PLA2G5: variants seen among roughly 807,000 people sequenced by gnomAD.
PLA2G5 encodes the protein phospholipase A2 group V.
PLA2G5 carries 12 observed loss-of-function variants against 15.9 expected under a neutral mutation model. That is an observed-to-expected ratio of 0.76 (90% CI 0.48 to 1.23). PLA2G5 has a LOEUF of 1.23. Among genes scored for constraint, PLA2G5 ranks in the 50% most tolerant of loss-of-function variants. The probability of loss-of-function intolerance (pLI) is 0.00; values close to 1 mark genes in which losing one functional copy is unlikely to be tolerated. For missense variants in PLA2G5, 169 were observed against 177.1 expected (o/e 0.95, Z 0.26); for synonymous variants, 71 against 71.4 (o/e 0.99, Z 0.03).
At chr1:20,077,595 G>T (rs2015759373) in intron 1 of PLA2G5, among the ~76,000 whole-genome samples, 1 of 152,168 alleles carries the variant, frequency 6.6e-6, no homozygotes, top group South Asian at 2.1e-4. Flanking sequence ...TGGTAGTTAT[G>T]ACTTACTGAG....
Position 20,090,699 on chromosome 1 carries a change from C to T in PLA2G5, c.*7C>T, listed in dbSNP as rs751284992. 14 of 1,613,820 alleles carry T rather than the reference C, an allele frequency of 8.7e-6. No individual in the cohort carries two copies. In the East Asian group the frequency reaches 1.3e-4, roughly 15 times the overall value. On this transcript the variant is annotated 3_prime_UTR_variant, in exon 5 of 5. Coordinates refer to ENST00000375108, the MANE Select transcript of PLA2G5 (RefSeq NM_000929.3). ...CAACATCCTCTGCTCCTAGGCCTCC[C>T]CAGCGAGCTCCTCCCAGACCAAGAC...
At chr1:20,069,550 C>T (rs1470668530), upstream of PLA2G5, among the ~76,000 whole-genome samples, 1 of 151,984 alleles carries the variant, frequency 6.6e-6, no homozygotes, top group African/African-American at 2.4e-5. Context: ...TGGCATGTGC[C>T]TGTGGTCCCA....
rs1569643970 is a variant in PLA2G5, at chr1:20,040,778, C to T, written n.276+12069C>T. On this transcript the variant is annotated intron_variant and non_coding_transcript_variant, in intron 1 of 6. Transcript: ENST00000460175. ...GCTCAGGGCAAACTTGCCTCCCATTCTATTCAGAGTCACCCATCTGCTCAC... is the reference window on the plus strand; with the variant it reads ...GCTCAGGGCAAACTTGCCTCCCATTTTATTCAGAGTCACCCATCTGCTCAC... Among the ~76,000 whole-genome samples the T allele has an allele frequency of 2.6e-5, 4 of 152,318 alleles. 1 individual carries two copies. The highest frequency in any genetic ancestry group is 2.6e-4 in the Admixed American group (4 of 15,306).
At chr1:20,038,258 T>C (rs901433576) in intron 1 of PLA2G5, among the ~76,000 whole-genome samples, 3 of 152,078 alleles carry the variant, frequency 2.0e-5, no homozygotes, top group Non-Finnish European at 1.5e-5. Context: ...GCACATCCTG[T>C]TCCCTGCCAC....
intron 1 of PLA2G5, among the ~76,000 whole-genome samples, chr1:20,039,781 C>G (rs1569640057): frequency 6.6e-6 from 1 of 152,124 alleles, no homozygotes; most frequent in East Asian, 1.9e-4. Flanking sequence ...TTAGGTAGTT[C>G]AAGAATTGCA....
At chr1:20,040,496 C>T (rs1425587119) in intron 1 of PLA2G5, among the ~76,000 whole-genome samples, 1 of 151,924 alleles carries the variant, frequency 6.6e-6, no homozygotes, top group Non-Finnish European at 1.5e-5. Flanking sequence ...TCCTTTTTCT[C>T]AAAATGACAT....
At chr1:20,034,643 A>G (rs1394192680) in intron 1 of PLA2G5, among the ~76,000 whole-genome samples, 3 of 152,134 alleles carry the variant, frequency 2.0e-5, no homozygotes, top group Non-Finnish European at 4.4e-5. Context: ...TTAAGGGGAT[A>G]TTGAGACTGA....
At position 20,087,432 on chromosome 1, in the gene PLA2G5, C is replaced by T. The variant is rs572446107; in HGVS notation, c.185+1205C>T. Among the ~76,000 whole-genome samples, 33 of 151,930 alleles carry T rather than the reference C, an allele frequency of 2.2e-4. 1 individual carries two copies. The highest frequency in any genetic ancestry group is 2.1e-4 in the South Asian group (1 of 4,800). ...TTTTTGAGACGGAGTCTTGCTCTGT[C>T]GCCCAGGCTGGAGTGCAGTGGCGCA... On this transcript the variant is annotated intron_variant, in intron 3 of 4. Coordinates refer to ENST00000375108, the MANE Select transcript of PLA2G5 (RefSeq NM_000929.3).
In PLA2G5 at chr1:20,090,900, G is replaced by A. The variant is rs2016537575; in HGVS notation, c.*208G>A. 7.5e-6 allele frequency: 4 copies of A among 531,454 alleles called. 1 individual carries two copies. In the South Asian group the frequency reaches 1.1e-4, roughly 14 times the overall value. 32.9% of individuals were successfully genotyped at this position (531,454 alleles called of 1,614,324 possible). A position where few individuals can be genotyped will look rare whatever the true frequency, so the allele number is the denominator to read the frequency against. On this transcript the variant is annotated 3_prime_UTR_variant, in exon 5 of 5. Transcript: ENST00000375108. ...TCATAGGACTTGGTAGGGTCCCAGG[G>A]TCCCTAGGCCTCCACTTCTGAGGGC...
intron 1 of PLA2G5, among the ~76,000 whole-genome samples, chr1:20,051,525 G>A (rs1371954763): frequency 1.3e-5 from 2 of 152,126 alleles, no homozygotes; most frequent in Non-Finnish European, 2.9e-5. Context: ...TACTCCTATG[G>A]AACAAAATTT....
upstream of PLA2G5, among the ~76,000 whole-genome samples, chr1:20,066,570 T>C (rs1188643675): frequency 3.3e-5 from 5 of 152,236 alleles, no homozygotes; most frequent in Non-Finnish European, 7.3e-5. Context: ...AACCATTTTA[T>C]AGCACACGAC....
chr1:20,035,465 A>G (rs911983456), intron 1 of PLA2G5, among the ~76,000 whole-genome samples: 7 of 152,248 alleles, frequency 4.6e-5, no homozygotes, highest in Non-Finnish European at 1.0e-4. Context: ...CACTTTGACG[A>G]AGGTCTGCAA....
At chr1:20,068,442 A>C (rs2015165841), upstream of PLA2G5, among the ~76,000 whole-genome samples, 1 of 151,796 alleles carries the variant, frequency 6.6e-6, no homozygotes, top group South Asian at 2.1e-4. Flanking sequence ...ATGAAAGTTA[A>C]AAGTGGTAGT....
At chr1:20,065,872 G>T (rs1010259349), upstream of PLA2G5, among the ~76,000 whole-genome samples, 1 of 152,178 alleles carries the variant, frequency 6.6e-6, no homozygotes, top group African/African-American at 2.4e-5. Context: ...GCAGGGTGTG[G>T]TGGCATGTAC....
intron 1 of PLA2G5, among the ~76,000 whole-genome samples, chr1:20,079,827 G>A (rs748878947): frequency 3.3e-5 from 5 of 152,146 alleles, no homozygotes; most frequent in East Asian, 1.9e-4. Flanking sequence ...CTCTCTAACC[G>A]CAAGCCTGGC....
At chr1:20,082,839 A>C (rs2016100211) in intron 1 of PLA2G5, among the ~76,000 whole-genome samples, 1 of 151,988 alleles carries the variant, frequency 6.6e-6, no homozygotes, top group South Asian at 2.1e-4. Context: ...GGATGCTCAG[A>C]GGCAGTGGAG....
intron 1 of PLA2G5, among the ~76,000 whole-genome samples, chr1:20,039,749 T>C (rs2013482201): frequency 6.6e-6 from 1 of 152,204 alleles, no homozygotes; most frequent in African/African-American, 2.4e-5. Context: ...TGTATCTGTG[T>C]ATATTCCATT....
At chr1:20,028,989 C>T (rs1026313922) in intron 1 of PLA2G5, among the ~76,000 whole-genome samples, 4 of 152,150 alleles carry the variant, frequency 2.6e-5, no homozygotes, top group Admixed American at 6.5e-5. Context: ...CCCCAGTGGG[C>T]GTGTGTTAGT....
At chr1:20,070,552 G>A in intron 1 of PLA2G5, 87 bp downstream of exon 1, 2 of 844,004 alleles carry the variant, frequency 2.4e-6, no homozygotes, top group Non-Finnish European at 2.9e-6. Context: ...GGTGTGTGGA[G>A]AGCCCAAGAG....
Sources: allele counts gnomAD v4.1 joint callset (sites outside exome capture counted in the v4.1 genomes callset), GRCh38; gene constraint gnomAD v4.1.1; transcripts MANE v1.5; gene names NCBI Gene and HGNC (gene_info 2026-07-23, HGNC 2026-07-21).